MAF: variants seen among roughly 807,000 people sequenced by gnomAD.
The protein encoded by MAF is transcription factor Maf.
In MAF, 10 loss-of-function variants were observed where a neutral mutation model predicts 22.0. The ratio of observed to expected loss-of-function variants is 0.45; its 90% CI spans 0.28 to 0.77. The LOEUF (loss-of-function observed/expected upper bound fraction) is 0.77. Ranked by LOEUF, MAF falls within the 30% of genes least tolerant of loss-of-function variation. MAF has a pLI of 0.12. For missense variants in MAF, 544 were observed against 548.4 expected (o/e 0.99, Z 0.08); for synonymous variants, 337 against 255.8 (o/e 1.32, Z -3.03).
the MAF span, among the ~76,000 whole-genome samples, chr16:79,454,758 A>C: frequency 2.0e-5 from 3 of 151,452 alleles, no homozygotes; most frequent in African/African-American, 7.3e-5. Context: ...GATCACATTC[A>C]TGACAATGTC....
At chr16:79,236,985 C>T in the MAF span, among the ~76,000 whole-genome samples, 5 of 150,638 alleles carry the variant, frequency 3.3e-5, no homozygotes, top group East Asian at 3.9e-4. Context: ...TTAAATAATG[C>T]TTATGAGTTG....
At chr16:79,391,185 C>A in the MAF span, among the ~76,000 whole-genome samples, 1 of 152,250 alleles carries the variant, frequency 6.6e-6, no homozygotes. Context: ...TGCTCTAAGA[C>A]CTTGGGCAAA....
the MAF span, among the ~76,000 whole-genome samples, chr16:79,484,293 C>G: frequency 2.0e-5 from 3 of 152,182 alleles, no homozygotes; most frequent in Non-Finnish European, 4.4e-5. Flanking sequence ...CGTGACAAGG[C>G]TGGTGTGACA....
chr16:79,211,923 G>A, the MAF span: 1 of 1,541,174 alleles, frequency 6.5e-7, no homozygotes. Context: ...AATAAGAGCA[G>A]TCACAACAGA....
chr16:79,564,761 C>T, the MAF span, among the ~76,000 whole-genome samples: 1 of 152,204 alleles, frequency 6.6e-6, no homozygotes, highest in African/African-American at 2.4e-5. Flanking sequence ...TGGGGTGAAC[C>T]TTGACCAGTC....
the MAF span, among the ~76,000 whole-genome samples, chr16:79,334,375 C>A: frequency 6.6e-6 from 1 of 152,148 alleles, no homozygotes; most frequent in African/African-American, 2.4e-5. Context: ...CCCATGTGCG[C>A]GCTGTGCAAG....
the MAF span, among the ~76,000 whole-genome samples, chr16:79,440,400 G>A: frequency 6.6e-6 from 1 of 152,208 alleles, no homozygotes; most frequent in Admixed American, 6.5e-5. Context: ...AGTACATGGT[G>A]CAGCACAACC....
chr16:79,377,704 A>G, the MAF span, among the ~76,000 whole-genome samples: 1 of 152,184 alleles, frequency 6.6e-6, no homozygotes, highest in Non-Finnish European at 1.5e-5. Flanking sequence ...TAATTTTTGT[A>G]TAAGGTGTAA....
the MAF span, among the ~76,000 whole-genome samples, chr16:79,298,309 GT>G: frequency 6.6e-6 from 1 of 152,232 alleles, no homozygotes; most frequent in Non-Finnish European, 1.5e-5. Context: ...CAAACCAGGT[GT>G]GTTTGCTCTG....
At chr16:79,247,032 A>G in the MAF span, among the ~76,000 whole-genome samples, 2 of 152,248 alleles carry the variant, frequency 1.3e-5, no homozygotes, top group Admixed American at 6.5e-5. Context: ...GGTAAGTGCT[A>G]TGAGGAAAAT....
the MAF span, among the ~76,000 whole-genome samples, chr16:79,301,102 G>C: frequency 6.6e-6 from 1 of 152,128 alleles, no homozygotes; most frequent in Non-Finnish European, 1.5e-5. Context: ...AGCCGTCCAG[G>C]TAGGGAGGAA....
At chr16:79,401,270 G>C in the MAF span, among the ~76,000 whole-genome samples, 497 of 152,298 alleles carry the variant, frequency 3.3e-3, 5 homozygotes, top group African/African-American at 0.01. Flanking sequence ...GGTTAACTCT[G>C]TTTCAAATAG....
chr16:79,438,223 C>T, the MAF span, among the ~76,000 whole-genome samples: 1 of 152,184 alleles, frequency 6.6e-6, no homozygotes, highest in East Asian at 1.9e-4. Flanking sequence ...GTTATTTCTG[C>T]CCCGCAGATT....
the MAF span, among the ~76,000 whole-genome samples, chr16:79,382,777 T>A: frequency 6.6e-6 from 1 of 152,214 alleles, no homozygotes; most frequent in Non-Finnish European, 1.5e-5. Flanking sequence ...CATTTATTCA[T>A]AAAATGGTGC....
chr16:79,437,718 G>A, the MAF span, among the ~76,000 whole-genome samples: 2 of 152,098 alleles, frequency 1.3e-5, no homozygotes, highest in East Asian at 3.9e-4. Flanking sequence ...TCCAGAGCAC[G>A]AGCTTCTCGG....
At chr16:79,335,735 C>G in the MAF span, among the ~76,000 whole-genome samples, 1 of 152,224 alleles carries the variant, frequency 6.6e-6, no homozygotes, top group African/African-American at 2.4e-5. Context: ...GGCCGGGAAT[C>G]AGGAAGCGGA....
At chr16:79,385,223 A>G in the MAF span, among the ~76,000 whole-genome samples, 13 of 152,348 alleles carry the variant, frequency 8.5e-5, no homozygotes, top group Admixed American at 6.5e-4. Context: ...GCCCAAATAA[A>G]TTCAACTCCC....
At chr16:79,365,660 C>T in the MAF span, among the ~76,000 whole-genome samples, 1 of 151,954 alleles carries the variant, frequency 6.6e-6, no homozygotes, top group Non-Finnish European at 1.5e-5. Flanking sequence ...TGTGGATTGG[C>T]TGGGAGCTGG....
the MAF span, among the ~76,000 whole-genome samples, chr16:79,492,535 A>T: frequency 6.6e-6 from 1 of 152,156 alleles, no homozygotes. Flanking sequence ...TCTAAACCCA[A>T]CAGAAATGCA....
Sources: allele counts gnomAD v4.1 joint callset (sites outside exome capture counted in the v4.1 genomes callset), GRCh38; gene constraint gnomAD v4.1.1; transcripts MANE v1.5; gene names NCBI Gene and HGNC (gene_info 2026-07-23, HGNC 2026-07-21).